PBK: variants seen among roughly 807,000 people sequenced by gnomAD.
PBK encodes lymphokine-activated killer T-cell-originated protein kinase.
In PBK, 22 loss-of-function variants were observed where a neutral mutation model predicts 33.5. That is an observed-to-expected ratio of 0.66 (90% CI 0.47 to 0.94). The LOEUF (loss-of-function observed/expected upper bound fraction) is 0.94, where lower values mean the gene tolerates loss of function less well. PBK is among the 40% of genes least tolerant of loss of function. The pLI, the probability that PBK is intolerant of heterozygous loss-of-function variation, is 0.00. For missense variants in PBK, 376 were observed against 383.4 expected, an observed-to-expected ratio of 0.98 and a Z score of 0.16; for synonymous variants, 129 against 123.8, an observed-to-expected ratio of 1.04 and a Z score of -0.28.
At chr8:27,829,415 G>A (rs1806085740) in intron 2 of PBK, among the ~76,000 whole-genome samples, 1 of 152,026 alleles carries the variant, frequency 6.6e-6, no homozygotes, top group African/African-American at 2.4e-5. Context: ...AAAGGAACAG[G>A]CTAATGTGCA....
chr8:27,833,698 T>C (rs1304938757), intron 1 of PBK, among the ~76,000 whole-genome samples: 2 of 134,362 alleles, frequency 1.5e-5, no homozygotes, highest in African/African-American at 2.7e-5. Flanking sequence ...TATAAAGTAA[T>C]ATATGCACTT....
intron 6 of PBK, among the ~76,000 whole-genome samples, chr8:27,820,089 A>G (rs1563490840): frequency 2.0e-5 from 3 of 152,204 alleles, no homozygotes; most frequent in Non-Finnish European, 4.4e-5. Context: ...CACCAAGAAC[A>G]TATCTTAAAT....
At chr8:27,833,777 AGTT>A (rs1317149640) in intron 1 of PBK, among the ~76,000 whole-genome samples, 1 of 151,812 alleles carries the variant, frequency 6.6e-6, no homozygotes, top group Admixed American at 6.6e-5. Context: ...TCCCAGGAGC[AGTT>A]GTTAACAGCT....
chr8:27,820,673 G>T lies in PBK; in HGVS notation c.487C>A (p.Leu163Met). The change falls in exon 6 of 8, where the codon CTG becomes ATG. Residue 163 changes from leucine to methionine, a missense_variant. Coordinates refer to ENST00000301905, the MANE Select transcript of PBK (RefSeq NM_018492.4). The part of the protein sequence containing the change: ...GLKYLHQEKK[L>M]LHGDIKSSNV... ...GAAGACTTTATGTCTCCATGAAGCA[G>T]TTTCTTTTCTTGGTGCAGATACTAA... is the stretch of plus-strand genomic sequence containing the variant. 6.4e-7 allele frequency: 1 copy of T among 1,559,936 alleles called. No homozygotes were observed. The highest frequency in any genetic ancestry group is 8.8e-7 in the Non-Finnish European group (1 of 1,141,542).
In PBK at chr8:27,810,510, A is replaced by T; in HGVS notation, c.773-9T>A. 1 of 1,549,398 alleles carries T rather than the reference A, an allele frequency of 6.5e-7. No individual in the cohort carries two copies. The highest frequency in any genetic ancestry group is 8.9e-7 in the Non-Finnish European group (1 of 1,128,412). On this transcript the variant is annotated splice_polypyrimidine_tract_variant and intron_variant, in intron 7 of 7. Coordinates refer to ENST00000301905, the MANE Select transcript of PBK (RefSeq NM_018492.4). ...TTCATCAAAAGTTTTATCTTGAAGG[A>T]GTTAGAGATTGAAACAATAAACAAA...
At position 27,820,638 on chromosome 8, in the gene PBK, TACA is replaced by T. The variant is rs777299680; in HGVS notation, c.519_521del (p.Val174del). Reference sequence around the variant, plus strand: ...TAATTGTTTCAAAATCGCCTTTAATTACAACATTTGAAGACTTTATGTCTCCAT... The same window carrying T: ...TAATTGTTTCAAAATCGCCTTTAATTACATTTGAAGACTTTATGTCTCCAT... On this transcript the variant is annotated inframe_deletion, in exon 6 of 8. Transcript: ENST00000301905. 3.2e-6 allele frequency: 5 copies of T among 1,564,916 alleles called. No homozygotes were observed. The highest frequency in any genetic ancestry group is 2.2e-5 in the South Asian group (2 of 88,980).
At position 27,833,105 on chromosome 8, in the gene PBK, C is replaced by T. The variant is rs368149140; in HGVS notation, c.9G>A (p.Gly3=). ME[G]ISNFKTPSKL... The stretch of plus-strand genomic sequence containing the variant: ...TGCTTGGTGTCTTGAAATTACTGAT[C>T]CCTTCCATTGTGAAAGCCACTCTCA... Residue 3 remains glycine (G), a synonymous_variant, in exon 2 of 8, where the codon GGG becomes GGA. Transcript: ENST00000301905. 1 of 1,597,842 alleles carries T rather than the reference C, an allele frequency of 6.3e-7. No homozygotes were observed. The highest frequency in any genetic ancestry group is 8.5e-7 in the Non-Finnish European group (1 of 1,171,430).
chr8:27,814,327 C>T (rs527806507), intron 6 of PBK, among the ~76,000 whole-genome samples: 17 of 152,132 alleles, frequency 1.1e-4, no homozygotes, highest in African/African-American at 3.4e-4. Context: ...GCCATAAAGC[C>T]GTTTATAATA....
In PBK at chr8:27,820,699, A is replaced by AAT; in HGVS notation, c.466-7_466-6dup. On this transcript the variant is annotated splice_region_variant and splice_polypyrimidine_tract_variant and intron_variant, in intron 5 of 7. Coordinates refer to ENST00000301905, the MANE Select transcript of PBK (RefSeq NM_018492.4). ...TTTCTTTTCTTGGTGCAGATACTAA[A>AAT]ATAGTAAAAAATTTAACACATATGT... The AAT allele has an allele frequency of 3.3e-6, 5 of 1,500,092 alleles. No homozygotes were observed. The highest frequency in any genetic ancestry group is 4.5e-6 in the Non-Finnish European group (5 of 1,103,950). 92.9% of individuals were successfully genotyped at this position (1,500,092 alleles called of 1,614,324 possible).
At chr8:27,830,810 G>A (rs994587410) in intron 2 of PBK, among the ~76,000 whole-genome samples, 7 of 152,118 alleles carry the variant, frequency 4.6e-5, no homozygotes, top group African/African-American at 1.4e-4. Flanking sequence ...AAAACAAGAC[G>A]AGACATGCCA....
intron 3 of PBK, among the ~76,000 whole-genome samples, chr8:27,825,750 T>C (rs745900622): frequency 1.3e-5 from 2 of 151,914 alleles, no homozygotes; most frequent in Non-Finnish European, 2.9e-5. Flanking sequence ...TTTAAAAAGA[T>C]AATTAATTAA....
intron 1 of PBK, among the ~76,000 whole-genome samples, chr8:27,836,272 G>C (rs1160443273): frequency 6.6e-6 from 1 of 152,030 alleles, no homozygotes; most frequent in Non-Finnish European, 1.5e-5. Flanking sequence ...GGGGGAGAAT[G>C]AGACAAAGTC....
intron 2 of PBK, among the ~76,000 whole-genome samples, chr8:27,832,702 T>C (rs1806152412): frequency 1.3e-5 from 2 of 152,190 alleles, no homozygotes; most frequent in South Asian, 4.1e-4. Flanking sequence ...TCTAGGTGTT[T>C]GTTGAAAAGA....
intron 3 of PBK, among the ~76,000 whole-genome samples, chr8:27,824,548 T>A (rs9886567): frequency 0.86 from 130,951 of 152,144 alleles, 56,533 homozygotes; most frequent in East Asian, 1. Context: ...GACAAAATGG[T>A]CAAAGACTTA....
chr8:27,810,296 A>G lies in PBK; in HGVS notation c.*9T>C. The G allele has an allele frequency of 6.3e-7, 1 of 1,588,990 alleles. No homozygotes were observed. Among genetic ancestry groups the G allele is most frequent in the East Asian group, 2.2e-5 (1 of 44,724 alleles). On this transcript the variant is annotated 3_prime_UTR_variant, in exon 8 of 8. Coordinates refer to ENST00000301905, the MANE Select transcript of PBK (RefSeq NM_018492.4). ...ATTTACGCAAGCCACACTTCAGCTG[A>G]GATGATCACTAGACATCTGTTTCCA...
At chr8:27,823,930 A>G (rs73572531) in intron 3 of PBK, among the ~76,000 whole-genome samples, 2,460 of 152,228 alleles carry the variant, frequency 0.016, 59 homozygotes, top group African/African-American at 0.054. Flanking sequence ...GCAGCATAAC[A>G]GCACAAAACC....
At chr8:27,823,266 T>C in intron 3 of PBK, 61 bp from the exon 4 acceptor site, 6 of 1,096,584 alleles carry the variant, frequency 5.5e-6, no homozygotes, top group Non-Finnish European at 7.9e-6. Flanking sequence ...CTTTTTAAAA[T>C]GACTTCCAAA....
intron 5 of PBK, 130 bp from the exon 6 acceptor site, chr8:27,820,824 A>T (rs59803571): frequency 8.7e-4 from 335 of 385,196 alleles, no homozygotes; most frequent in East Asian, 3.2e-3. Flanking sequence ...GCGTTTCAAA[A>T]TTTTTTTTTT....
chr8:27,822,568 A>G (rs1805951154), intron 4 of PBK, 80 bp from the exon 5 acceptor site: 3 of 912,318 alleles, frequency 3.3e-6, no homozygotes, highest in Admixed American at 2.9e-5. Context: ...CGTGATTGAA[A>G]ATATGGATCT....
Sources: gnomAD v4.1 joint callset for allele counts (sites outside exome capture counted in the v4.1 genomes callset) on GRCh38, gnomAD v4.1.1 for gene constraint, MANE v1.5 for transcripts, NCBI Gene and HGNC (gene_info 2026-07-23, HGNC 2026-07-21) for gene names.